Variants in INSRR observed in about 807,000 individuals in gnomAD.
The protein encoded by INSRR is insulin receptor related receptor, also known as insulin receptor-related protein.
In INSRR, 114 loss-of-function variants were observed where a neutral mutation model predicts 130.0. That is an observed-to-expected ratio of 0.88 (90% CI 0.75 to 1.02). The LOEUF is 1.02. Ranked by LOEUF, INSRR falls within the 50% of genes least tolerant of loss-of-function variation. INSRR has a pLI of 0.00. For missense variants in INSRR, 1,657 were observed against 1,735.2 expected (o/e 0.95, Z 0.80); for synonymous variants, 674 against 705.2 (o/e 0.96, Z 0.70).
At chr1:156,848,655 A>T (rs1301824079) in intron 7 of INSRR, among the ~76,000 whole-genome samples, 1 of 152,164 alleles carries the variant, frequency 6.6e-6, no homozygotes, top group Non-Finnish European at 1.5e-5. Flanking sequence ...TTAATGATCC[A>T]AGCCTTCCCA....
rs767188615 is a variant in INSRR at position 156,841,472 on chromosome 1, C to A, written c.3584G>T (p.Gly1195Val). 1.2e-6 allele frequency: 2 copies of A among 1,614,018 alleles called. No individual in the cohort carries two copies. Among genetic ancestry groups the A allele is most frequent in the Non-Finnish European group, 1.7e-6 (2 of 1,179,954 alleles). The change falls in exon 21 of 22, where the codon GGC becomes GTC. Residue 1195 changes from glycine (G) to valine (V), a missense_variant. Gly to Val is a moderately radical substitution (Grantham distance 109). Transcript: ENST00000368195. ...IVTLAEQPYQ[G>V]LSNEQVLKFV... is the part of the protein sequence containing the mutation. Reference sequence around the variant, plus strand: ...CTTCAGCACCTGCTCATTGGACAGGCCCTGGTAGGGTTGTTCTGCCAGGGT... The same window carrying A: ...CTTCAGCACCTGCTCATTGGACAGGACCTGGTAGGGTTGTTCTGCCAGGGT...
chr1:156,849,201 T>C, intron 6 of INSRR, 45 bp downstream of exon 6: 1 of 1,607,572 alleles, frequency 6.2e-7, no homozygotes, highest in South Asian at 1.1e-5. Flanking sequence ...TGTGCGTGTC[T>C]AGTGTGTGGC....
chr1:156,842,218 A>G lies in INSRR; in HGVS notation c.3291T>C (p.Gly1097=), dbSNP rs768036718. The part of the protein sequence containing the change: ...PALGEMIQMA[G]EIADGMAYLA... ...GGTAGGCCATGCCGTCTGCAATCTC[A>G]CCAGCCATTTGGATCATTTCCCCCA... Residue 1097 remains glycine, a synonymous_variant, in exon 19 of 22, where the codon GGT becomes GGC. Transcript: ENST00000368195. The G allele has an allele frequency of 1.9e-6, 3 of 1,613,524 alleles. No individual in the cohort carries two copies. The South Asian group carries it at 3.3e-5, about 18-fold the overall frequency.
intron 1 of INSRR, among the ~76,000 whole-genome samples, chr1:156,855,692 G>A (rs565544540): frequency 6.6e-6 from 1 of 152,204 alleles, no homozygotes; most frequent in East Asian, 1.9e-4. Flanking sequence ...AGGCATGGTG[G>A]TGCACACCTA....
Position 156,858,134 on chromosome 1 carries a change from G to A in INSRR, c.85+403C>T, listed in dbSNP as rs536327176. On this transcript the variant is annotated intron_variant, in intron 1 of 21. Coordinates refer to ENST00000368195, the MANE Select transcript of INSRR (RefSeq NM_014215.3). ...TTCTCAGAGCTGCAGTTTCCTGTCGGCAACATTGCCTCCATTACTTAATGG... is the reference window on the plus strand; with the variant it reads ...TTCTCAGAGCTGCAGTTTCCTGTCGACAACATTGCCTCCATTACTTAATGG... Among the ~76,000 whole-genome samples, 3 of 152,236 alleles carry A rather than the reference G, an allele frequency of 2.0e-5. No individual in the cohort carries two copies. In the South Asian group the frequency reaches 6.2e-4, roughly 32 times the overall value.
At position 156,846,010 on chromosome 1, in the gene INSRR, C is replaced by T. The variant is rs201446127; in HGVS notation, c.1920G>A (p.Val640=). 5.0e-6 allele frequency: 8 copies of T among 1,614,162 alleles called. No individual in the cohort carries two copies. In the African/African-American group the frequency reaches 6.7e-5, roughly 13 times the overall value. ...CGTCCTCTGCCAGCCGCTGCCACAGCACCAGGTAGTAGGTGAGGTTCCCAT... is the reference window on the plus strand; with the variant it reads ...CGTCCTCTGCCAGCCGCTGCCACAGTACCAGGTAGTAGGTGAGGTTCCCAT... The part of the protein sequence containing the change: ...QRNGNLTYYL[V]LWQRLAEDGD... The change falls in exon 9 of 22, where the codon GTG becomes GTA. Residue 640 remains valine (V), a synonymous_variant. Transcript: ENST00000368195.
chr1:156,843,536 C>T (rs2102855468), intron 15 of INSRR, 57 bp from the exon 16 acceptor site: 2 of 1,528,226 alleles, frequency 1.3e-6, no homozygotes, highest in Non-Finnish European at 1.8e-6. Flanking sequence ...GAATGAGCAA[C>T]ATCAGAAGAA....
intron 1 of INSRR, among the ~76,000 whole-genome samples, chr1:156,858,092 T>C (rs1053373179): frequency 6.6e-6 from 1 of 152,162 alleles, no homozygotes; most frequent in Non-Finnish European, 1.5e-5. Flanking sequence ...CAGGACCCAG[T>C]CTAGCTTTAC....
chr1:156,845,846 C>G, intron 9 of INSRR, 32 bp from the exon 10 acceptor site: 2 of 1,596,334 alleles, frequency 1.3e-6, no homozygotes. Context: ...ACTAGTAAGA[C>G]AGGCGGTCTA....
chr1:156,853,918 C>T lies in INSRR; in HGVS notation c.471G>A (p.Leu157=). ...GGTTGGCGCCAGGTGCTGGCTGCAG[C>T]AGTCCCCAGTCAATGGTGGAGAGGT... ...LCHLSTIDWG[L]LQPAPGANHI... The change falls in exon 2 of 22, where the codon CTG becomes CTA. Residue 157 remains leucine, a synonymous_variant. Coordinates refer to ENST00000368195, the MANE Select transcript of INSRR (RefSeq NM_014215.3). The T allele has an allele frequency of 6.2e-7, 1 of 1,614,148 alleles. No homozygotes were observed. The highest frequency in any genetic ancestry group is 8.5e-7 in the Non-Finnish European group (1 of 1,180,016).
intron 7 of INSRR, 22 bp downstream of exon 7, chr1:156,848,899 C>T: frequency 1.9e-6 from 3 of 1,551,572 alleles, no homozygotes; most frequent in Non-Finnish European, 2.6e-6. Context: ...GCCCCCGCTC[C>T]GGCCCCGCCC....
In INSRR at chr1:156,841,088, G is replaced by A. The variant is rs775510328; in HGVS notation, c.3679C>T (p.Arg1227Cys). ...AGGCGTGGGTTCGGCTGCCAGCAGC[G>A]GCTCATCAGCTCCTGCCTGGTGGGT... is the stretch of plus-strand genomic sequence containing the variant. ...CPLQLQELMS[R>C]CWQPNPRLRP... The change falls in exon 22 of 22, where the codon CGC becomes TGC. Residue 1227 changes from arginine (R) to cysteine (C), a missense_variant. Transcript: ENST00000368195. The A allele has an allele frequency of 4.9e-5, 77 of 1,562,658 alleles. No homozygotes were observed. The East Asian group carries it at 1.7e-3, about 34-fold the overall frequency.
rs1207886774 is a variant in INSRR at position 156,858,529 on chromosome 1, G to A, written c.85+8C>T. ...GTAGGGGTCTGGGAGCCAGTTCTGG[G>A]GACTCACCCTCTACTGTATCCAGGC... On this transcript the variant is annotated splice_region_variant and intron_variant, in intron 1 of 21. Coordinates refer to ENST00000368195, the MANE Select transcript of INSRR (RefSeq NM_014215.3). 6.2e-7 allele frequency: 1 copy of A among 1,612,170 alleles called. No homozygotes were observed. Among genetic ancestry groups the A allele is most frequent in the South Asian group, 1.1e-5 (1 of 91,046 alleles).
At position 156,841,709 on chromosome 1, in the gene INSRR, G is replaced by A. The variant is rs149424605; in HGVS notation, c.3483C>T (p.Pro1161=). 4.3e-6 allele frequency: 7 copies of A among 1,613,966 alleles called. No homozygotes were observed. The highest frequency in any genetic ancestry group is 3.3e-5 in the Admixed American group (2 of 60,000). The stretch of plus-strand genomic sequence containing the variant: ...TGAAGATCCCATCTTTGAGGGACTC[G>A]GGGGCCATCCAGCGCACGGGCAGCA... ...KGLLPVRWMA[P]ESLKDGIFTT... The change falls in exon 20 of 22, where the codon CCC becomes CCT. Residue 1161 remains proline (P), a synonymous_variant. Coordinates refer to ENST00000368195, the MANE Select transcript of INSRR (RefSeq NM_014215.3).
chr1:156,854,337 A>G lies in INSRR; in HGVS notation c.86-34T>C, dbSNP rs1655338322. ...ATACACGGCACGCAGCATTGAGTAC[A>G]GCCCAGGCCAAATTCCCCATCCAGC... On this transcript the variant is annotated intron_variant, in intron 1 of 21. Transcript: ENST00000368195. The surrounding 1 kb of genome is among the most constrained non-coding windows in gnomAD (Gnocchi z 4.2). 2.6e-6 allele frequency: 4 copies of G among 1,556,250 alleles called. No homozygotes were observed. The highest frequency in any genetic ancestry group is 3.5e-6 in the Non-Finnish European group (4 of 1,150,580).
rs544138616 is a variant in INSRR at position 156,843,103 on chromosome 1, G to A, written c.3027C>T (p.Pro1009=). ...RGLEAGEEST[P]VALKTVNELA... ...GCTCATTCACCGTCTTCAGGGCCAC[G>A]GGTGTGGACTCCTCTCCAGCCTCAA... Residue 1009 remains proline, a synonymous_variant, in exon 17 of 22, where the codon CCC becomes CCT. Transcript: ENST00000368195. The A allele has an allele frequency of 8.7e-6, 14 of 1,614,106 alleles. No homozygotes were observed. The highest frequency in any genetic ancestry group is 2.2e-5 in the South Asian group (2 of 91,070).
Position 156,844,766 on chromosome 1 carries a change from G to T in INSRR, c.2515C>A (p.Pro839Thr). ...AGGATGAGTCCGTTGGGGTCTGGTGGCTCGAGCCAGCGCAGAAGGACACTG... is the reference window on the plus strand; with the variant it reads ...AGGATGAGTCCGTTGGGGTCTGGTGTCTCGAGCCAGCGCAGAAGGACACTG... ...KNSVLLRWLE[P>T]PDPNGLILKY... Residue 839 changes from proline to threonine, a missense_variant, in exon 13 of 22, where the codon CCA becomes ACA. By Grantham distance (38) the Pro-to-Thr change is conservative. Coordinates refer to ENST00000368195, the MANE Select transcript of INSRR (RefSeq NM_014215.3). The T allele has an allele frequency of 6.2e-7, 1 of 1,614,146 alleles. No individual in the cohort carries two copies. The highest frequency in any genetic ancestry group is 8.5e-7 in the Non-Finnish European group (1 of 1,180,040).
chr1:156,853,898 G>A lies in INSRR; in HGVS notation c.491C>T (p.Ala164Val), dbSNP rs1240960036. ...CAGCTTGTTGCCCACGATGTGGTTG[G>A]CGCCAGGTGCTGGCTGCAGCAGTCC... The part of the protein sequence containing the change: ...DWGLLQPAPG[A>V]NHIVGNKLGE... Residue 164 changes from alanine to valine, a missense_variant, in exon 2 of 22, where the codon GCC (alanine) becomes GTC (valine). Coordinates refer to ENST00000368195, the MANE Select transcript of INSRR (RefSeq NM_014215.3). 1.2e-6 allele frequency: 2 copies of A among 1,614,154 alleles called. No homozygotes were observed. Among genetic ancestry groups the A allele is most frequent in the Admixed American group, 1.7e-5 (1 of 60,030 alleles).
intron 1 of INSRR, among the ~76,000 whole-genome samples, chr1:156,857,190 T>C (rs1474880408): frequency 7.6e-6 from 1 of 131,368 alleles, no homozygotes; most frequent in East Asian, 2.3e-4. Context: ...TGTGTGTGTG[T>C]GTGTGTGTGT....
Sources: gnomAD v4.1 joint callset for allele counts (sites outside exome capture counted in the v4.1 genomes callset) on GRCh38, gnomAD v4.1.1 for gene constraint, Gnocchi (gnomAD v3.1) non-coding constraint, MANE v1.5 for transcripts, NCBI Gene and HGNC (gene_info 2026-07-23, HGNC 2026-07-21) for gene names.